R3HCC1L: variants seen among roughly 807,000 people sequenced by gnomAD.
R3HCC1L encodes the protein coiled-coil domain-containing protein R3HCC1L.
Under a neutral mutation model 59.9 loss-of-function variants are expected in R3HCC1L, and 51 were observed. The observed-to-expected ratio is 0.85, with a 90% CI of 0.68 to 1.07. R3HCC1L has a LOEUF of 1.07. Ranked by LOEUF, R3HCC1L falls within the 50% of genes least tolerant of loss-of-function variation. R3HCC1L has a pLI of 0.00. For missense variants in R3HCC1L, 965 were observed against 933.0 expected, an observed-to-expected ratio of 1.03 and a Z score of -0.45; for synonymous variants, 322 against 315.2, an observed-to-expected ratio of 1.02 and a Z score of -0.23.
At chr10:98,220,399 T>TA (rs930402962) in intron 5 of R3HCC1L, among the ~76,000 whole-genome samples, 13 of 143,656 alleles carry the variant, frequency 9.0e-5, no homozygotes, top group Non-Finnish European at 1.7e-4. Context: ...TTTTTTTTTT[T>TA]TATACTCTAA....
At chr10:98,189,717 T>G (rs1850628535) in intron 4 of R3HCC1L, among the ~76,000 whole-genome samples, 1 of 152,198 alleles carries the variant, frequency 6.6e-6, no homozygotes, top group Non-Finnish European at 1.5e-5. Context: ...TGCAAGTGCA[T>G]TTACGGAAGG....
At chr10:98,175,193 G>C (rs998407003) in intron 4 of R3HCC1L, among the ~76,000 whole-genome samples, 12 of 152,046 alleles carry the variant, frequency 7.9e-5, no homozygotes, top group African/African-American at 1.2e-4. Context: ...CTTCATTAAG[G>C]CTATACTGAT....
intron 5 of R3HCC1L, among the ~76,000 whole-genome samples, chr10:98,228,508 A>G (rs1855950874): frequency 6.6e-6 from 1 of 152,168 alleles, no homozygotes; most frequent in South Asian, 2.1e-4. Flanking sequence ...AGTAGATTGC[A>G]AAAATTTTCT....
intron 5 of R3HCC1L, among the ~76,000 whole-genome samples, chr10:98,219,826 G>A (rs1435723660): frequency 6.6e-6 from 1 of 152,024 alleles, no homozygotes; most frequent in Non-Finnish European, 1.5e-5. Context: ...CTTGGTCTTT[G>A]ACTTTTGACA....
intron 5 of R3HCC1L, among the ~76,000 whole-genome samples, chr10:98,220,815 T>C (rs1424902153): frequency 6.6e-6 from 1 of 150,820 alleles, no homozygotes; most frequent in African/African-American, 2.4e-5. Flanking sequence ...TCTTTGCTAT[T>C]GTGAATAATG....
At chr10:98,151,172 G>A (rs1457220908) in intron 1 of R3HCC1L, among the ~76,000 whole-genome samples, 2 of 152,080 alleles carry the variant, frequency 1.3e-5, no homozygotes, top group Middle Eastern at 3.2e-3. Context: ...GTTTTCTATG[G>A]GGCAGTTGAG....
intron 5 of R3HCC1L, among the ~76,000 whole-genome samples, chr10:98,227,003 A>G (rs1188423553): frequency 6.6e-6 from 1 of 152,360 alleles, no homozygotes; most frequent in Admixed American, 6.5e-5. Context: ...TTATGATTTT[A>G]TAGATCAGCT....
At chr10:98,154,293 G>A (rs140383197) in intron 1 of R3HCC1L, among the ~76,000 whole-genome samples, 65 of 151,950 alleles carry the variant, frequency 4.3e-4, no homozygotes, top group Non-Finnish European at 7.1e-4. Context: ...TGTATCCAGC[G>A]TGTACACGTG....
At chr10:98,211,081 C>T (rs972052382) in intron 5 of R3HCC1L, among the ~76,000 whole-genome samples, 1 of 152,156 alleles carries the variant, frequency 6.6e-6, no homozygotes, top group African/African-American at 2.4e-5. Flanking sequence ...TTCCTTAGAA[C>T]AAAATATAGA....
chr10:98,216,865 T>C (rs10748716), intron 5 of R3HCC1L, among the ~76,000 whole-genome samples: 145,907 of 152,262 alleles, frequency 0.96, 70,203 homozygotes, highest in East Asian at 1. Flanking sequence ...CAAGTATGAC[T>C]CACTACACCC....
chr10:98,209,733 A>C lies in R3HCC1L; in HGVS notation c.1619A>C (p.Glu540Ala), dbSNP rs138288770. 130 of 1,613,950 alleles carry C rather than the reference A, an allele frequency of 8.1e-5. No homozygotes were observed. The African/African-American group carries it at 1.4e-3, about 18-fold the overall frequency. Residue 540 changes from glutamate to alanine, a missense_variant, in exon 5 of 10, where the codon GAA becomes GCA. By Grantham distance (107) the Glu-to-Ala change is moderately radical. Coordinates refer to ENST00000298999, the MANE Select transcript of R3HCC1L (RefSeq NM_001351015.2). ...GAGCAAGATGACTCAGGGAGTATAG[A>C]ATTTGGTGTATCTTTTCCTGATAGG... ...TEEQDDSGSI[E>A]FGVSFPDRES... is the part of the protein sequence containing the mutation.
chr10:98,163,478 T>A lies in R3HCC1L; in HGVS notation c.-15+81T>A. ...GATTTGTTTGCTTGTATTTTGTTTCTTCAGTTATCATTTTATTTTGTAACT... is the reference window on the plus strand; with the variant it reads ...GATTTGTTTGCTTGTATTTTGTTTCATCAGTTATCATTTTATTTTGTAACT... On this transcript the variant is annotated intron_variant, in intron 4 of 9. Coordinates refer to ENST00000298999, the MANE Select transcript of R3HCC1L (RefSeq NM_001351015.2). 3.2e-6 allele frequency: 3 copies of A among 933,872 alleles called. No individual in the cohort carries two copies. In the South Asian group the frequency reaches 8.3e-5, roughly 26 times the overall value. 57.8% of individuals were successfully genotyped at this position (933,872 alleles called of 1,614,324 possible).
At chr10:98,221,307 A>T (rs931908129) in intron 5 of R3HCC1L, among the ~76,000 whole-genome samples, 1 of 150,866 alleles carries the variant, frequency 6.6e-6, no homozygotes, top group African/African-American at 2.4e-5. Flanking sequence ...AGGTTGCGAA[A>T]ATTTTCTCCC....
At chr10:98,160,444 T>C (rs1847300951) in intron 2 of R3HCC1L, among the ~76,000 whole-genome samples, 1 of 152,210 alleles carries the variant, frequency 6.6e-6, no homozygotes, top group Non-Finnish European at 1.5e-5. Flanking sequence ...TAAAATATAT[T>C]AATAAAATTA....
intron 1 of R3HCC1L, among the ~76,000 whole-genome samples, chr10:98,140,486 CAG>C (rs892119515): frequency 2.0e-5 from 3 of 152,032 alleles, no homozygotes; most frequent in South Asian, 2.1e-4. Flanking sequence ...AAGTCAAAAA[CAG>C]AGAGGGACAG....
chr10:98,216,514 A>G (rs1347638320), intron 5 of R3HCC1L, among the ~76,000 whole-genome samples: 2 of 152,206 alleles, frequency 1.3e-5, no homozygotes, highest in Non-Finnish European at 2.9e-5. Context: ...CCCTGTCTCA[A>G]CATACATGTA....
At chr10:98,199,509 T>C (rs1428436079) in intron 4 of R3HCC1L, among the ~76,000 whole-genome samples, 4 of 152,016 alleles carry the variant, frequency 2.6e-5, no homozygotes, top group African/African-American at 4.8e-5. Context: ...TACTGTGGCA[T>C]ATGTTGTATA....
chr10:98,172,540 G>C (rs1266580997), intron 4 of R3HCC1L, among the ~76,000 whole-genome samples: 1 of 152,190 alleles, frequency 6.6e-6, no homozygotes, highest in Non-Finnish European at 1.5e-5. Context: ...AAAGTAGAAA[G>C]AGGGCTATCC....
chr10:98,224,367 A>G (rs1855417899), intron 5 of R3HCC1L, among the ~76,000 whole-genome samples: 2 of 152,304 alleles, frequency 1.3e-5, no homozygotes, highest in East Asian at 3.9e-4. Context: ...GAAAACAAAA[A>G]ATAAAAACTC....
Sources: gnomAD v4.1 joint callset for allele counts (sites outside exome capture counted in the v4.1 genomes callset) on GRCh38, gnomAD v4.1.1 for gene constraint, MANE v1.5 for transcripts, NCBI Gene and HGNC (gene_info 2026-07-23, HGNC 2026-07-21) for gene names.